Variants in HCN1 observed in about 807,000 individuals in gnomAD.
HCN1 encodes the protein hyperpolarization activated cyclic nucleotide gated potassium channel 1.
In HCN1, 13 loss-of-function variants were observed where a neutral mutation model predicts 78.9. The observed-to-expected ratio is 0.16, with a 90% CI of 0.11 to 0.26. HCN1 has a LOEUF of 0.26. Ranked by LOEUF, HCN1 falls within the 10% of genes least tolerant of loss-of-function variation. HCN1 has a pLI of 1.00. For missense variants in HCN1, 810 were observed against 1,154.3 expected (o/e 0.70, Z 4.32); for synonymous variants, 552 against 455.5 (o/e 1.21, Z -2.70).
intron 2 of HCN1, among the ~76,000 whole-genome samples, chr5:45,478,693 A>G (rs539989529): frequency 1.3e-5 from 2 of 152,226 alleles, no homozygotes; most frequent in Non-Finnish European, 2.9e-5. Flanking sequence ...GAGTAGAAGA[A>G]GCTTCCTTAA....
At chr5:45,499,770 A>G (rs1398621495) in intron 2 of HCN1, among the ~76,000 whole-genome samples, 1 of 152,236 alleles carries the variant, frequency 6.6e-6, no homozygotes, top group Non-Finnish European at 1.5e-5. Flanking sequence ...CAGGAGACAG[A>G]AATATAACAG....
At chr5:45,390,700 T>C (rs1421624776) in intron 4 of HCN1, among the ~76,000 whole-genome samples, 1 of 152,102 alleles carries the variant, frequency 6.6e-6, no homozygotes, top group East Asian at 1.9e-4. Context: ...AAATACAAAG[T>C]TTGAAAAATC....
intron 2 of HCN1, among the ~76,000 whole-genome samples, chr5:45,628,721 A>G (rs1385171678): frequency 6.6e-6 from 1 of 152,166 alleles, no homozygotes; most frequent in Admixed American, 6.5e-5. Flanking sequence ...CACGCGTGTG[A>G]TTCTAGCACC....
intron 4 of HCN1, among the ~76,000 whole-genome samples, chr5:45,358,410 C>G (rs1747046815): frequency 1.3e-5 from 2 of 152,030 alleles, no homozygotes; most frequent in South Asian, 4.1e-4. Flanking sequence ...CATCCCAATC[C>G]TTAAGACATC....
At position 45,261,818 on chromosome 5, in the gene HCN1, C is replaced by T. The variant is rs1196066822; in HGVS notation, c.*103G>A. The T allele has an allele frequency of 3.5e-6, 5 of 1,429,272 alleles. No individual in the cohort carries two copies. Among genetic ancestry groups the T allele is most frequent in the Admixed American group, 3.3e-5 (2 of 59,734 alleles). The allele number at this position is 1,429,272 out of a possible 1,614,324, so 88.5% of individuals were successfully genotyped here. ...GCCACAGCTGTCTAAAATATCTCTT[C>T]ATAGTAGGCTAGAGGGATCTATCAG... On this transcript the variant is annotated 3_prime_UTR_variant, in exon 8 of 8. Coordinates refer to ENST00000303230, the MANE Select transcript of HCN1 (RefSeq NM_021072.4).
In HCN1 at chr5:45,402,304, A is replaced by T. The variant is rs373799505; in HGVS notation, c.1012-5594T>A. Among the ~76,000 whole-genome samples the T allele has an allele frequency of 3.6e-4, 55 of 152,318 alleles. No homozygotes were observed. In the East Asian group the frequency reaches 3.7e-3, roughly 10 times the overall value. Reference sequence around the variant, plus strand: ...ATTTTAGGAAGATTGATCAGGCAGAATTGCAGAGTGCTGGTTCTTAACTAA... The same window carrying T: ...ATTTTAGGAAGATTGATCAGGCAGATTTGCAGAGTGCTGGTTCTTAACTAA... On this transcript the variant is annotated intron_variant, in intron 3 of 7. Coordinates refer to ENST00000303230, the MANE Select transcript of HCN1 (RefSeq NM_021072.4).
chr5:45,550,359 A>T (rs1448858859), intron 2 of HCN1, among the ~76,000 whole-genome samples: 1 of 152,150 alleles, frequency 6.6e-6, no homozygotes, highest in East Asian at 1.9e-4. Context: ...GACATGGATG[A>T]CCTGGAAACC....
At chr5:45,637,985 T>C (rs1350060722) in intron 2 of HCN1, among the ~76,000 whole-genome samples, 1 of 152,120 alleles carries the variant, frequency 6.6e-6, no homozygotes, top group Non-Finnish European at 1.5e-5. Flanking sequence ...TTTAAAATAG[T>C]TATGAATGGA....
intron 1 of HCN1, among the ~76,000 whole-genome samples, chr5:45,676,138 T>A (rs1472509289): frequency 1.3e-5 from 2 of 151,818 alleles, no homozygotes. Flanking sequence ...TTTATTCTCA[T>A]ATTTATTTTT....
At chr5:45,572,172 T>C (rs2111904064) in intron 2 of HCN1, among the ~76,000 whole-genome samples, 1 of 152,242 alleles carries the variant, frequency 6.6e-6, no homozygotes, top group South Asian at 2.1e-4. Context: ...AACTTATTAA[T>C]GCCAAAGGAT....
intron 2 of HCN1, among the ~76,000 whole-genome samples, chr5:45,541,023 T>A (rs1353944832): frequency 6.6e-6 from 1 of 152,074 alleles, no homozygotes; most frequent in Non-Finnish European, 1.5e-5. Flanking sequence ...CACACAAAAC[T>A]TATTTAGTGC....
chr5:45,494,716 G>A (rs1218919431), intron 2 of HCN1, among the ~76,000 whole-genome samples: 1 of 151,954 alleles, frequency 6.6e-6, no homozygotes, highest in African/African-American at 2.4e-5. Flanking sequence ...TTTCTTCTAG[G>A]GTTTTTATGG....
At chr5:45,578,705 C>G (rs1743996679) in intron 2 of HCN1, among the ~76,000 whole-genome samples, 2 of 151,660 alleles carry the variant, frequency 1.3e-5, no homozygotes, top group Admixed American at 1.3e-4. Flanking sequence ...ATTAATATTC[C>G]CATTTTACAG....
At chr5:45,437,257 G>T (rs903311625) in intron 3 of HCN1, among the ~76,000 whole-genome samples, 1 of 152,130 alleles carries the variant, frequency 6.6e-6, no homozygotes, top group South Asian at 2.1e-4. Context: ...CAGTTCCATT[G>T]TATCATAGCC....
At chr5:45,508,847 G>T (rs776289601) in intron 2 of HCN1, among the ~76,000 whole-genome samples, 1 of 152,030 alleles carries the variant, frequency 6.6e-6, no homozygotes, top group African/African-American at 2.4e-5. Context: ...GTGCCCAAGG[G>T]TTTGGCTTCC....
intron 2 of HCN1, among the ~76,000 whole-genome samples, chr5:45,492,923 T>G (rs1741921696): frequency 6.6e-6 from 1 of 152,142 alleles, no homozygotes; most frequent in African/African-American, 2.4e-5. Context: ...GAAAAGTCTG[T>G]GGATTGGTCA....
At chr5:45,415,980 C>T (rs1327512461) in intron 3 of HCN1, among the ~76,000 whole-genome samples, 1 of 151,878 alleles carries the variant, frequency 6.6e-6, no homozygotes, top group African/African-American at 2.4e-5. Context: ...TTCATCTGAG[C>T]CACAAAAGAA....
intron 2 of HCN1, among the ~76,000 whole-genome samples, chr5:45,563,858 T>C (rs1381835614): frequency 6.6e-6 from 1 of 152,154 alleles, no homozygotes; most frequent in Admixed American, 6.5e-5. Flanking sequence ...GTCCCAAAAA[T>C]ATATAAGTCC....
At chr5:45,523,012 C>A (rs1325661302) in intron 2 of HCN1, among the ~76,000 whole-genome samples, 3 of 151,850 alleles carry the variant, frequency 2.0e-5, no homozygotes, top group Admixed American at 6.6e-5. Flanking sequence ...TCCCCACTCC[C>A]CCCACCCCAC....
Sources: gnomAD v4.1 joint callset for allele counts (sites outside exome capture counted in the v4.1 genomes callset) on GRCh38, gnomAD v4.1.1 for gene constraint, MANE v1.5 for transcripts, NCBI Gene and HGNC (gene_info 2026-07-23, HGNC 2026-07-21) for gene names.